Variants in LOC128092252 observed in about 807,000 individuals in gnomAD.
chr15:50,674,919 A>G, the LOC128092252 span, among the ~76,000 whole-genome samples: 1 of 152,188 alleles, frequency 6.6e-6, no homozygotes, highest in Non-Finnish European at 1.5e-5. Flanking sequence ...GTTGTTTCTC[A>G]TTGGCAAATC....
the LOC128092252 span, among the ~76,000 whole-genome samples, chr15:50,671,840 G>A: frequency 6.6e-6 from 1 of 151,996 alleles, no homozygotes; most frequent in Non-Finnish European, 1.5e-5. Context: ...TAACATCGCA[G>A]CCATCATAAG....
chr15:50,685,822 A>C, the LOC128092252 span, among the ~76,000 whole-genome samples: 1 of 152,096 alleles, frequency 6.6e-6, no homozygotes, highest in African/African-American at 2.4e-5. Flanking sequence ...AACACGATCA[A>C]CTGTTCTCTG....
chr15:50,667,692 A>T, the LOC128092252 span, among the ~76,000 whole-genome samples: 1 of 152,120 alleles, frequency 6.6e-6, no homozygotes. Flanking sequence ...GGGCAACAGA[A>T]GGAGACTCCA....
the LOC128092252 span, among the ~76,000 whole-genome samples, chr15:50,674,778 G>C: frequency 7.9e-5 from 12 of 152,242 alleles, no homozygotes; most frequent in Admixed American, 7.2e-4. Flanking sequence ...TTCTAAAGGA[G>C]AGCTGTGCCA....
chr15:50,656,235 A>C, the LOC128092252 span, among the ~76,000 whole-genome samples: 6 of 152,154 alleles, frequency 3.9e-5, no homozygotes, highest in African/African-American at 1.4e-4. Context: ...CATCTATAAG[A>C]AGAAATGAAA....
the LOC128092252 span, among the ~76,000 whole-genome samples, chr15:50,678,273 A>C: frequency 6.6e-6 from 1 of 150,784 alleles, no homozygotes; most frequent in Non-Finnish European, 1.5e-5. Context: ...ACAAAAACAA[A>C]AACAAAAACC....
the LOC128092252 span, among the ~76,000 whole-genome samples, chr15:50,658,413 A>G: frequency 2.0e-5 from 3 of 151,908 alleles, no homozygotes; most frequent in Non-Finnish European, 4.4e-5. Context: ...TCTCTACAAA[A>G]AAAAAAATTA....
the LOC128092252 span, among the ~76,000 whole-genome samples, chr15:50,678,910 G>A: frequency 6.6e-6 from 1 of 152,130 alleles, no homozygotes; most frequent in African/African-American, 2.4e-5. Context: ...GTCTCGCTCT[G>A]TCACCCAGGC....
At chr15:50,683,961 C>G in the LOC128092252 span, among the ~76,000 whole-genome samples, 6 of 151,268 alleles carry the variant, frequency 4.0e-5, no homozygotes, top group African/African-American at 1.5e-4. Flanking sequence ...CCAAGTTCAA[C>G]GGAGTCTCCT....
the LOC128092252 span, among the ~76,000 whole-genome samples, chr15:50,674,166 T>G: frequency 6.6e-6 from 1 of 152,128 alleles, no homozygotes; most frequent in Non-Finnish European, 1.5e-5. Context: ...TTTTTGTATT[T>G]TTAGTAGAGA....
the LOC128092252 span, among the ~76,000 whole-genome samples, chr15:50,662,361 C>T: frequency 7.3e-5 from 11 of 151,150 alleles, no homozygotes; most frequent in African/African-American, 2.7e-4. Flanking sequence ...ATAATTTTGG[C>T]AAAAATGTTT....
At chr15:50,678,523 T>A in the LOC128092252 span, among the ~76,000 whole-genome samples, 7,796 of 128,756 alleles carry the variant, frequency 0.061, 416 homozygotes, top group African/African-American at 0.17. Context: ...AAAAAATATA[T>A]ATATATATAT....
chr15:50,650,099 A>G, the LOC128092252 span, among the ~76,000 whole-genome samples: 1 of 148,100 alleles, frequency 6.8e-6, no homozygotes, highest in African/African-American at 2.5e-5. Context: ...AGGCTGAGGC[A>G]GGAGAATCAC....
the LOC128092252 span, among the ~76,000 whole-genome samples, chr15:50,671,803 C>A: frequency 6.7e-6 from 1 of 150,262 alleles, no homozygotes; most frequent in East Asian, 1.9e-4. Flanking sequence ...GAACTTGTCT[C>A]GAAAAAAAAA....
chr15:50,663,526 C>G, the LOC128092252 span, among the ~76,000 whole-genome samples: 2 of 152,056 alleles, frequency 1.3e-5, no homozygotes, highest in Non-Finnish European at 2.9e-5. Context: ...CATTTAAATC[C>G]CAAGTGACCT....
the LOC128092252 span, among the ~76,000 whole-genome samples, chr15:50,665,299 A>C: frequency 6.6e-6 from 1 of 151,828 alleles, no homozygotes; most frequent in Non-Finnish European, 1.5e-5. Flanking sequence ...CAGGAGGCTG[A>C]GGCAGAACTG....
chr15:50,655,826 C>T, the LOC128092252 span, among the ~76,000 whole-genome samples: 1 of 151,898 alleles, frequency 6.6e-6, no homozygotes, highest in Non-Finnish European at 1.5e-5. Flanking sequence ...CCCATCTATA[C>T]TAAAAGTACG....
the LOC128092252 span, among the ~76,000 whole-genome samples, chr15:50,650,679 A>G: frequency 6.6e-6 from 1 of 151,852 alleles, no homozygotes; most frequent in Non-Finnish European, 1.5e-5. Context: ...TGGGCAACAC[A>G]GCAAGACTGG....
At chr15:50,653,930 C>G in the LOC128092252 span, among the ~76,000 whole-genome samples, 3 of 152,084 alleles carry the variant, frequency 2.0e-5, no homozygotes, top group African/African-American at 7.2e-5. Flanking sequence ...AAAGACATCA[C>G]TGAACCCCCT....
Sources: allele counts gnomAD v4.1 joint callset (sites outside exome capture counted in the v4.1 genomes callset), GRCh38; gene constraint gnomAD v4.1.1; transcripts MANE v1.5.